GALNT14: variants seen among roughly 807,000 people sequenced by gnomAD.
The protein encoded by GALNT14 is UDP-GalNAc:polypeptide N-acetylgalactosaminyltransferase 14.
A neutral mutation model predicts 77.5 loss-of-function variants in GALNT14; 60 were observed. The ratio of observed to expected loss-of-function variants is 0.77; its 90% CI spans 0.63 to 0.96. The LOEUF (loss-of-function observed/expected upper bound fraction) is 0.96. Among genes scored for constraint, GALNT14 ranks in the 40% least tolerant of loss-of-function variants. The pLI is 0.00. For missense variants in GALNT14, 710 were observed against 731.0 expected, an observed-to-expected ratio of 0.97 and a Z score of 0.33; for synonymous variants, 280 against 281.7, an observed-to-expected ratio of 0.99 and a Z score of 0.06.
chr2:30,932,159 G>T lies in GALNT14; in HGVS notation c.967C>A (p.Leu323Ile). ...SFRVWMCGGS[L>I]EIVPCSRVGH... ...ACTCGGCTGCAGGGGACGATCTCTA[G>T]GCTGCCCCCGCACATCCACACTCGG... The change falls in exon 10 of 15, where the codon CTA becomes ATA. Residue 323 changes from leucine (L) to isoleucine (I), a missense_variant. Leu to Ile is a conservative substitution (Grantham distance 5). Transcript: ENST00000349752. 1 of 1,554,266 alleles carries T rather than the reference G, an allele frequency of 6.4e-7. No individual in the cohort carries two copies. The highest frequency in any genetic ancestry group is 8.7e-7 in the Non-Finnish European group (1 of 1,150,108).
intron 1 of GALNT14, among the ~76,000 whole-genome samples, chr2:31,098,970 G>T (rs1285935221): frequency 1.3e-5 from 2 of 152,096 alleles, no homozygotes; most frequent in Non-Finnish European, 2.9e-5. Context: ...AAGAGGAGGG[G>T]TTGGTCTTGC....
rs372175599 is a variant in GALNT14, at chr2:31,125,260, A to G, written c.129+12698T>C. 1.2e-5 allele frequency: 18 copies of G among 1,548,210 alleles called. No individual in the cohort carries two copies. The Middle Eastern group carries it at 8.4e-4, about 72-fold the overall frequency. ...TGAAAAACAAGGACCAAACCTGAAAATGCCACAAGAAAGAAGAGCAACATG... is the reference window on the plus strand; with the variant it reads ...TGAAAAACAAGGACCAAACCTGAAAGTGCCACAAGAAAGAAGAGCAACATG... On this transcript the variant is annotated intron_variant, in intron 1 of 14. Coordinates refer to ENST00000349752, the MANE Select transcript of GALNT14 (RefSeq NM_024572.4).
chr2:30,931,364 A>G (rs999008582), intron 10 of GALNT14, among the ~76,000 whole-genome samples: 1 of 152,228 alleles, frequency 6.6e-6, no homozygotes, highest in Non-Finnish European at 1.5e-5. Flanking sequence ...ATCAAGAGGA[A>G]AAGATGGAAA....
At chr2:31,103,465 G>A (rs1399041177) in intron 1 of GALNT14, among the ~76,000 whole-genome samples, 4 of 150,338 alleles carry the variant, frequency 2.7e-5, no homozygotes. Flanking sequence ...TTAACACAAT[G>A]GCAGCTGCGT....
Position 30,910,786 on chromosome 2 carries a change from A to T in GALNT14, c.*115T>A. On this transcript the variant is annotated 3_prime_UTR_variant, in exon 15 of 15. Coordinates refer to ENST00000349752, the MANE Select transcript of GALNT14 (RefSeq NM_024572.4). ...TCCTGTCCTGGGGGGCTCTGCCTCC[A>T]CCTCCCAGTCCAGGATGTCTGAGGT... 8.6e-7 allele frequency: 1 copy of T among 1,166,022 alleles called. No individual in the cohort carries two copies. The highest frequency in any genetic ancestry group is 1.2e-6 in the Non-Finnish European group (1 of 829,098). 72.2% of individuals were successfully genotyped at this position (1,166,022 alleles called of 1,614,324 possible). A position where few individuals can be genotyped will look rare whatever the true frequency, so the allele number is the denominator to read the frequency against.
intron 6 of GALNT14, among the ~76,000 whole-genome samples, chr2:30,949,436 A>T (rs1207598473): frequency 6.6e-6 from 1 of 152,092 alleles, no homozygotes; most frequent in East Asian, 1.9e-4. Context: ...CCCCAGCAGG[A>T]TGTATCTTTA....
At chr2:30,905,993 T>G (rs1242775253), downstream of GALNT14, among the ~76,000 whole-genome samples, 2 of 150,374 alleles carry the variant, frequency 1.3e-5, no homozygotes, top group Non-Finnish European at 3.0e-5. Flanking sequence ...ATAAAATACT[T>G]TACAGACAAG....
At chr2:31,074,023 G>T (rs1187636433) in intron 1 of GALNT14, among the ~76,000 whole-genome samples, 1 of 152,170 alleles carries the variant, frequency 6.6e-6, no homozygotes, top group African/African-American at 2.4e-5. Flanking sequence ...AATTAAATGG[G>T]GTTTTACACT....
the GALNT14 span, among the ~76,000 whole-genome samples, chr2:30,904,789 C>T: frequency 6.6e-6 from 1 of 152,218 alleles, no homozygotes; most frequent in Non-Finnish European, 1.5e-5. Context: ...CAGCAGTAAC[C>T]TCTGCAGACT....
intron 1 of GALNT14, among the ~76,000 whole-genome samples, chr2:31,084,705 A>G (rs1382904383): frequency 6.6e-6 from 1 of 152,122 alleles, no homozygotes; most frequent in Non-Finnish European, 1.5e-5. Context: ...AACCTGGCTC[A>G]CCCACAGCTG....
At chr2:30,936,872 G>A (rs1437302097) in intron 9 of GALNT14, among the ~76,000 whole-genome samples, 1 of 152,182 alleles carries the variant, frequency 6.6e-6, no homozygotes, top group Non-Finnish European at 1.5e-5. Flanking sequence ...AATGCCAGGT[G>A]ACACCTTTAT....
chr2:31,049,503 T>C (rs1168964233), intron 1 of GALNT14, among the ~76,000 whole-genome samples: 2 of 152,156 alleles, frequency 1.3e-5, no homozygotes, highest in South Asian at 2.1e-4. Flanking sequence ...GGCCGGGACA[T>C]GGAACCATCC....
At chr2:30,911,877 G>A (rs1308565193) in intron 14 of GALNT14, among the ~76,000 whole-genome samples, 1 of 152,198 alleles carries the variant, frequency 6.6e-6, no homozygotes, top group Non-Finnish European at 1.5e-5. Flanking sequence ...GGGCCCTGAA[G>A]GCAAGGGTCA....
chr2:31,045,886 C>CT (rs1673422154), intron 1 of GALNT14, among the ~76,000 whole-genome samples: 2 of 152,154 alleles, frequency 1.3e-5, no homozygotes, highest in South Asian at 4.1e-4. Flanking sequence ...TCTGTCTGCT[C>CT]TTAAGTTCCT....
At position 31,004,280 on chromosome 2, in the gene GALNT14, G is replaced by A. The variant is rs1365024085; in HGVS notation, c.130-11273C>T. Among the ~76,000 whole-genome samples, 4 of 152,322 alleles carry A rather than the reference G, an allele frequency of 2.6e-5. No individual in the cohort carries two copies. In the East Asian group the frequency reaches 7.7e-4, roughly 29 times the overall value. On this transcript the variant is annotated intron_variant, in intron 1 of 14. Coordinates refer to ENST00000349752, the MANE Select transcript of GALNT14 (RefSeq NM_024572.4). ...ATCCACAGGGGACTCAGGAAAAAAAGGATTTGGTGGACTGGGTGGAAGCAC... is the reference window on the plus strand; with the variant it reads ...ATCCACAGGGGACTCAGGAAAAAAAAGATTTGGTGGACTGGGTGGAAGCAC...
Position 31,120,175 on chromosome 2 carries a change from A to T in GALNT14, c.129+17783T>A, listed in dbSNP as rs1474200192. Among the ~76,000 whole-genome samples, 4 of 151,870 alleles carry T rather than the reference A, an allele frequency of 2.6e-5. 1 individual carries two copies. The highest frequency in any genetic ancestry group is 4.1e-4 in the South Asian group (2 of 4,820). On this transcript the variant is annotated intron_variant, in intron 1 of 14. Transcript: ENST00000349752. ...CGTCTCAAAAAAAAAAAAAAAAAAA[A>T]AAAATAATGAGCTAGCTGACCAGTA...
intron 11 of GALNT14, among the ~76,000 whole-genome samples, chr2:30,928,770 C>T (rs1469870323): frequency 6.6e-6 from 1 of 152,084 alleles, no homozygotes; most frequent in Non-Finnish European, 1.5e-5. Flanking sequence ...GTGCCCGCCA[C>T]CATGCCCAGC....
chr2:31,076,612 CATATAT>C (rs59824499), intron 1 of GALNT14, among the ~76,000 whole-genome samples: 2 of 143,334 alleles, frequency 1.4e-5, no homozygotes, highest in Non-Finnish European at 3.0e-5. Flanking sequence ...GGTGTGTATA[CATATAT>C]ATATATATAT....
At chr2:30,894,577 T>G in the GALNT14 span, among the ~76,000 whole-genome samples, 2 of 152,328 alleles carry the variant, frequency 1.3e-5, no homozygotes, top group East Asian at 1.9e-4. Context: ...TGTTTTATAA[T>G]GGAGAATTCC....
Sources: allele counts gnomAD v4.1 joint callset (sites outside exome capture counted in the v4.1 genomes callset), GRCh38; gene constraint gnomAD v4.1.1; transcripts MANE v1.5; gene names NCBI Gene and HGNC (gene_info 2026-07-23, HGNC 2026-07-21).